EYA2: variants seen among roughly 807,000 people sequenced by gnomAD.
EYA2 encodes EYA transcriptional coactivator and phosphatase 2.
In EYA2, 31 loss-of-function variants were observed where a neutral mutation model predicts 69.2. That is an observed-to-expected ratio of 0.45 (90% CI 0.34 to 0.60). The LOEUF (loss-of-function observed/expected upper bound fraction) is 0.60. EYA2 is among the 20% of genes least tolerant of loss of function. The pLI, the probability that EYA2 is intolerant of heterozygous loss-of-function variation, is 0.02. For synonymous variants in EYA2, 257 were observed against 279.4 expected (o/e 0.92, Z 0.80); for missense variants, 622 against 701.2 (o/e 0.89, Z 1.28).
At chr20:47,001,298 T>C in intron 2 of EYA2, 130 bp from the exon 3 acceptor site, 1 of 770,578 alleles carries the variant, frequency 1.3e-6, no homozygotes, top group South Asian at 1.5e-5. Context: ...GATAAGCATC[T>C]GTGGTGGAGA....
At chr20:47,143,018 G>C (rs2033628131) in intron 9 of EYA2, 41 bp from the exon 10 acceptor site, 1 of 1,583,628 alleles carries the variant, frequency 6.3e-7, no homozygotes, top group African/African-American at 1.4e-5. Flanking sequence ...AGATTCCTCA[G>C]GCTCCGCGTG....
intron 1 of EYA2, among the ~76,000 whole-genome samples, chr20:46,928,625 G>T (rs1230982884): frequency 2.0e-5 from 3 of 152,220 alleles, no homozygotes; most frequent in African/African-American, 7.2e-5. Context: ...CCACCCCCTG[G>T]ACTCTGTGCC....
intron 6 of EYA2, among the ~76,000 whole-genome samples, chr20:47,073,868 C>T (rs957964771): frequency 8.5e-5 from 13 of 152,082 alleles, no homozygotes; most frequent in Non-Finnish European, 1.5e-4. Context: ...CTCAGCTTTT[C>T]CTCATAGGGC....
chr20:47,050,905 C>T (rs1449743718), intron 5 of EYA2, among the ~76,000 whole-genome samples: 3 of 152,258 alleles, frequency 2.0e-5, no homozygotes, highest in Non-Finnish European at 4.4e-5. Flanking sequence ...AGGCTCCTTG[C>T]CCCGCTGGGA....
intron 5 of EYA2, among the ~76,000 whole-genome samples, chr20:47,026,372 C>T (rs569628299): frequency 1.3e-5 from 2 of 152,170 alleles, no homozygotes; most frequent in South Asian, 4.2e-4. Flanking sequence ...AAAGGCTTTT[C>T]TAACCAGGAC....
At chr20:46,980,474 G>C (rs549560533) in intron 1 of EYA2, among the ~76,000 whole-genome samples, 4 of 152,190 alleles carry the variant, frequency 2.6e-5, no homozygotes, top group South Asian at 2.1e-4. Flanking sequence ...GTTTAGTTTT[G>C]TTTTTTATTG....
intron 10 of EYA2, chr20:47,161,432 C>A: frequency 2.4e-6 from 1 of 420,724 alleles, no homozygotes; most frequent in South Asian, 2.0e-5. Flanking sequence ...GAGAAGCCCC[C>A]AGGAAAAAGT....
At chr20:47,107,262 C>T (rs2032608959) in intron 9 of EYA2, among the ~76,000 whole-genome samples, 1 of 152,058 alleles carries the variant, frequency 6.6e-6, no homozygotes, top group South Asian at 2.1e-4. Context: ...CAGTGACACA[C>T]GCCTGTAATC....
At chr20:46,926,783 A>G (rs1183243985) in intron 1 of EYA2, among the ~76,000 whole-genome samples, 1 of 152,202 alleles carries the variant, frequency 6.6e-6, no homozygotes, top group Non-Finnish European at 1.5e-5. Flanking sequence ...TAATTTTTGA[A>G]TTATGTGACT....
At chr20:46,916,481 A>C (rs977034863) in intron 1 of EYA2, among the ~76,000 whole-genome samples, 1 of 151,860 alleles carries the variant, frequency 6.6e-6, no homozygotes, top group Admixed American at 6.6e-5. Context: ...TCTGAGTATG[A>C]AGGTATTATG....
At chr20:47,004,851 C>A in intron 3 of EYA2, 91 bp from the exon 4 acceptor site, 1 of 1,570,016 alleles carries the variant, frequency 6.4e-7, no homozygotes. Context: ...AGAGTAGAAC[C>A]CCAAAGAAAA....
At chr20:47,064,333 G>T (rs1391896133) in intron 5 of EYA2, among the ~76,000 whole-genome samples, 1 of 152,204 alleles carries the variant, frequency 6.6e-6, no homozygotes, top group African/African-American at 2.4e-5. Flanking sequence ...CTTTATGGCG[G>T]AATAATATTC....
At chr20:47,068,277 A>G (rs2031188086) in intron 5 of EYA2, among the ~76,000 whole-genome samples, 1 of 152,244 alleles carries the variant, frequency 6.6e-6, no homozygotes, top group Non-Finnish European at 1.5e-5. Context: ...GCATGCATGA[A>G]TTAATGAACT....
chr20:47,018,282 A>G (rs555858825), intron 5 of EYA2, among the ~76,000 whole-genome samples: 6 of 152,194 alleles, frequency 3.9e-5, no homozygotes, highest in African/African-American at 9.6e-5. Flanking sequence ...GATCTAAGTT[A>G]TGTAGGAGAG....
chr20:47,173,446 G>A (rs2146657901), intron 12 of EYA2, among the ~76,000 whole-genome samples: 1 of 142,428 alleles, frequency 7.0e-6, no homozygotes, highest in African/African-American at 2.7e-5. Context: ...CCAGCAGGCA[G>A]AGTCTGCAGT....
At chr20:47,039,768 G>T (rs565288016) in intron 5 of EYA2, among the ~76,000 whole-genome samples, 1 of 150,008 alleles carries the variant, frequency 6.7e-6, no homozygotes, top group Admixed American at 6.7e-5. Context: ...GTGTGACTGT[G>T]GGATATTTTT....
At chr20:47,001,318 G>A in intron 2 of EYA2, 110 bp from the exon 3 acceptor site, 4 of 899,596 alleles carry the variant, frequency 4.4e-6, no homozygotes, top group Non-Finnish European at 7.5e-6. Context: ...AAAGCCGCGG[G>A]CAGCACCCCT....
At chr20:47,164,036 C>T (rs1034784611) in intron 10 of EYA2, among the ~76,000 whole-genome samples, 3 of 152,156 alleles carry the variant, frequency 2.0e-5, no homozygotes, top group Non-Finnish European at 4.4e-5. Context: ...CATACTTTGA[C>T]CCGGAAGAGA....
At chr20:46,933,952 C>G (rs564706424) in intron 1 of EYA2, among the ~76,000 whole-genome samples, 1 of 152,232 alleles carries the variant, frequency 6.6e-6, no homozygotes, top group Non-Finnish European at 1.5e-5. Flanking sequence ...TAACAAACCC[C>G]TGCCTGGAGC....
Sources: allele counts gnomAD v4.1 joint callset (sites outside exome capture counted in the v4.1 genomes callset), GRCh38; gene constraint gnomAD v4.1.1; transcripts MANE v1.5; gene names NCBI Gene and HGNC (gene_info 2026-07-23, HGNC 2026-07-21).